Variants in ANO1 observed in about 807,000 individuals in gnomAD.
ANO1 encodes the protein anoctamin 1, also known as anoctamin-1.
Under a neutral mutation model 124.0 loss-of-function variants are expected in ANO1, and 59 were observed. The ratio of observed to expected loss-of-function variants is 0.48; its 90% CI spans 0.39 to 0.59. The LOEUF is 0.59. ANO1 is among the 20% of genes least tolerant of loss of function. The probability of loss-of-function intolerance (pLI) is 0.00; values close to 1 mark genes in which losing one functional copy is unlikely to be tolerated. For missense variants in ANO1, 1,059 were observed against 1,328.0 expected (o/e 0.80, Z 3.15); for synonymous variants, 529 against 532.0 (o/e 0.99, Z 0.08).
intron 1 of ANO1, chr11:70,063,645 A>G (rs1163340739): frequency 1.3e-5 from 2 of 152,148 alleles, no homozygotes; most frequent in Non-Finnish European, 2.9e-5. Flanking sequence ...AGTTCTTCAG[A>G]ACCCCGTTTG....
upstream of ANO1, among the ~76,000 whole-genome samples, chr11:69,983,614 C>A (rs1184344008): frequency 6.6e-6 from 1 of 152,224 alleles, no homozygotes; most frequent in Admixed American, 6.5e-5. Flanking sequence ...CTCCTGCGGG[C>A]CACATGGGCA....
intron 1 of ANO1, among the ~76,000 whole-genome samples, chr11:70,013,814 G>GAAAAGAAAAGAAAAGAAAAGAAAAGAAAA (rs1856647334): frequency 6.6e-6 from 1 of 151,812 alleles, no homozygotes; most frequent in African/African-American, 2.4e-5. Context: ...AAAAAGAAAA[G>GAAAAGAAAAGAAAAGAAAAGAAAAGAAAA]AAAAGAAAAG....
chr11:69,992,292 A>AATGG (rs1249325317), intron 1 of ANO1, among the ~76,000 whole-genome samples: 6 of 151,800 alleles, frequency 4.0e-5, no homozygotes, highest in Admixed American at 6.6e-5. Context: ...TGGATAGATG[A>AATGG]ATGGATGGAT....
At position 69,998,012 on chromosome 11, in the gene ANO1, C is replaced by T. The variant is rs537911454; in HGVS notation, c.58+11846C>T. 2.0e-5 allele frequency among the ~76,000 whole-genome samples: 3 copies of T among 152,236 alleles called. No homozygotes were observed. The South Asian group carries it at 6.2e-4, about 32-fold the overall frequency. ...TGCGAGAATGGCCTAATACATCCTT[C>T]CCAGAGCATCTTTCTCCACGCCTCC... On this transcript the variant is annotated intron_variant, in intron 1 of 27. Transcript: ENST00000531349.
At chr11:70,145,395 G>A (rs761600467) in intron 11 of ANO1, among the ~76,000 whole-genome samples, 5 of 152,158 alleles carry the variant, frequency 3.3e-5, no homozygotes, top group African/African-American at 7.2e-5. Context: ...CCAGCCTTCC[G>A]CTGCCAATGC....
chr11:69,999,087 T>G (rs1393225074), intron 1 of ANO1, among the ~76,000 whole-genome samples: 1 of 148,200 alleles, frequency 6.7e-6, no homozygotes. Flanking sequence ...GAGACCTGAG[T>G]CTGGGCAATT....
chr11:70,184,748 G>A (rs937122460), intron 24 of ANO1, among the ~76,000 whole-genome samples: 5 of 152,114 alleles, frequency 3.3e-5, no homozygotes, highest in African/African-American at 1.2e-4. Context: ...TTTGGTTGTT[G>A]TTTGGTTTGC....
At chr11:70,148,531 G>A (rs1026888742) in intron 11 of ANO1, among the ~76,000 whole-genome samples, 3 of 152,204 alleles carry the variant, frequency 2.0e-5, no homozygotes, top group African/African-American at 7.2e-5. Flanking sequence ...GCCCTGTCCT[G>A]GAGGGGTCTG....
chr11:70,012,860 A>C (rs528435540), intron 1 of ANO1, among the ~76,000 whole-genome samples: 1 of 152,300 alleles, frequency 6.6e-6, no homozygotes, highest in South Asian at 2.1e-4. Flanking sequence ...TTGCTTTTTC[A>C]TCCATCCATC....
the ANO1 span, among the ~76,000 whole-genome samples, chr11:69,971,162 G>T: frequency 1.2e-4 from 19 of 152,098 alleles, no homozygotes; most frequent in Non-Finnish European, 5.9e-5. Context: ...TCCCTGTGCT[G>T]GGGGGGCACC....
chr11:69,971,991 C>T, the ANO1 span, among the ~76,000 whole-genome samples: 24 of 152,038 alleles, frequency 1.6e-4, no homozygotes, highest in African/African-American at 3.9e-4. Context: ...GAGGCCCAGG[C>T]GGGTGGATCC....
At chr11:70,085,705 A>T in intron 1 of ANO1, 3 of 1,445,322 alleles carry the variant, frequency 2.1e-6, no homozygotes, top group Non-Finnish European at 2.7e-6. Flanking sequence ...CCTGGCCCAG[A>T]GCCTCCTCTC....
chr11:70,035,757 G>A (rs1163128202), intron 1 of ANO1, among the ~76,000 whole-genome samples: 2 of 152,068 alleles, frequency 1.3e-5, no homozygotes, highest in African/African-American at 2.4e-5. Context: ...TCCCACTTAT[G>A]AGTAAGAACA....
At chr11:70,129,938 A>G (rs1197813753) in intron 10 of ANO1, among the ~76,000 whole-genome samples, 1 of 152,108 alleles carries the variant, frequency 6.6e-6, no homozygotes, top group East Asian at 1.9e-4. Context: ...ACTTTTTAAT[A>G]AATGTTTAGG....
At chr11:70,173,789 G>A (rs112978049) in intron 22 of ANO1, among the ~76,000 whole-genome samples, 27 of 152,248 alleles carry the variant, frequency 1.8e-4, no homozygotes, top group African/African-American at 5.8e-4. Context: ...AGTGGCTCAC[G>A]CCTGTAATCC....
chr11:70,118,415 C>G (rs2046082270), intron 8 of ANO1, among the ~76,000 whole-genome samples: 1 of 152,156 alleles, frequency 6.6e-6, no homozygotes, highest in African/African-American at 2.4e-5. Context: ...TTCCCACTCC[C>G]CATGTAATTT....
At chr11:70,144,361 C>T (rs1165853375) in intron 11 of ANO1, among the ~76,000 whole-genome samples, 1 of 152,136 alleles carries the variant, frequency 6.6e-6, no homozygotes, top group Non-Finnish European at 1.5e-5. Flanking sequence ...CGGGCCCTGC[C>T]CTGAGCACCG....
At chr11:70,013,115 A>G (rs1555001366) in intron 1 of ANO1, among the ~76,000 whole-genome samples, 1 of 152,262 alleles carries the variant, frequency 6.6e-6, no homozygotes, top group African/African-American at 2.4e-5. Flanking sequence ...GACCTGAAGG[A>G]TGAGTAGAAA....
intron 1 of ANO1, among the ~76,000 whole-genome samples, chr11:70,000,777 G>T (rs1275178722): frequency 6.6e-6 from 1 of 152,076 alleles, no homozygotes; most frequent in Non-Finnish European, 1.5e-5. Context: ...TCAGACACTA[G>T]GATGGATGAC....
Sources: gnomAD v4.1 joint callset for allele counts (sites outside exome capture counted in the v4.1 genomes callset) on GRCh38, gnomAD v4.1.1 for gene constraint, MANE v1.5 for transcripts, NCBI Gene and HGNC (gene_info 2026-07-23, HGNC 2026-07-21) for gene names.